FOXJ3: variants seen among roughly 807,000 people sequenced by gnomAD.
FOXJ3 encodes the protein forkhead box protein J3.
In FOXJ3, 22 loss-of-function variants were observed where a neutral mutation model predicts 76.1. The observed-to-expected ratio is 0.29, with a 90% CI of 0.21 to 0.41. The LOEUF is 0.41. Ranked by LOEUF, FOXJ3 falls within the 10% of genes least tolerant of loss-of-function variation. The pLI is 1.00. For missense variants in FOXJ3, 613 were observed against 762.1 expected (o/e 0.80, Z 2.30); for synonymous variants, 269 against 261.2 (o/e 1.03, Z -0.29).
In FOXJ3 at chr1:42,209,989, G is replaced by A. The variant is rs182310283; in HGVS notation, c.529-4126C>T. ...AAAACTGTGGTTTCTGTCTTGGCTGGGAAGGCTTATAGCCTGGGGCAGTTT... is the reference window on the plus strand; with the variant it reads ...AAAACTGTGGTTTCTGTCTTGGCTGAGAAGGCTTATAGCCTGGGGCAGTTT... On this transcript the variant is annotated intron_variant, in intron 5 of 12. Transcript: ENST00000361346. Among the ~76,000 whole-genome samples, 9 of 152,300 alleles carry A rather than the reference G, an allele frequency of 5.9e-5. No individual in the cohort carries two copies. In the East Asian group the frequency reaches 1.7e-3, roughly 29 times the overall value.
At chr1:42,265,548 CTTAT>C (rs1246605979) in intron 3 of FOXJ3, among the ~76,000 whole-genome samples, 1 of 152,064 alleles carries the variant, frequency 6.6e-6, no homozygotes, top group African/African-American at 2.4e-5. Context: ...AATTGTGGTA[CTTAT>C]TTTATTTATT....
chr1:42,302,231 G>A lies in FOXJ3; in HGVS notation c.44+8819C>T, dbSNP rs553580225. Among the ~76,000 whole-genome samples the A allele has an allele frequency of 9.8e-4, 150 of 152,334 alleles. 1 individual carries two copies. The highest frequency in any genetic ancestry group is 3.6e-3 in the African/African-American group (148 of 41,580). ...CTAGTGCTGCACACTTGTGTCAGCA[G>A]ATTTTCTACTGTGTCATGCAATTAA... On this transcript the variant is annotated intron_variant, in intron 2 of 12. Coordinates refer to ENST00000361346, the MANE Select transcript of FOXJ3 (RefSeq NM_014947.5).
At chr1:42,237,422 A>C (rs1648755310) in intron 4 of FOXJ3, among the ~76,000 whole-genome samples, 1 of 146,814 alleles carries the variant, frequency 6.8e-6, no homozygotes, top group Non-Finnish European at 1.5e-5. Context: ...ATATATATAT[A>C]TATATACATA....
intron 5 of FOXJ3, among the ~76,000 whole-genome samples, chr1:42,223,490 C>T (rs78360656): frequency 0.039 from 5,913 of 152,286 alleles, 145 homozygotes; most frequent in South Asian, 0.092. Context: ...CCCACCTGTA[C>T]TTCTTACCTA....
intron 1 of FOXJ3, among the ~76,000 whole-genome samples, chr1:42,319,161 T>C (rs556664683): frequency 6.6e-6 from 1 of 152,140 alleles, no homozygotes; most frequent in African/African-American, 2.4e-5. Context: ...GCCCAAGAGG[T>C]GGAGGCTGCA....
intron 11 of FOXJ3, among the ~76,000 whole-genome samples, chr1:42,187,183 T>A (rs1180804624): frequency 6.6e-6 from 1 of 152,222 alleles, no homozygotes; most frequent in African/African-American, 2.4e-5. Flanking sequence ...CCACATCATC[T>A]TCTACTTCTC....
chr1:42,267,340 G>A (rs892262918), intron 3 of FOXJ3, among the ~76,000 whole-genome samples: 6 of 151,974 alleles, frequency 3.9e-5, no homozygotes, highest in Non-Finnish European at 7.4e-5. Flanking sequence ...AAATCCTACC[G>A]CACCCTCTCC....
At position 42,191,643 on chromosome 1, in the gene FOXJ3, T is replaced by G. The variant is rs1307609949; in HGVS notation, c.1011A>C (p.Thr337=). ...GGTTGCTGTGTGGGTGAGTGCTCAC[T>G]GTACTGCTGGGAGAGTGCTGATAGG... ...SCTYQHSPSS[T]VSTHPHSNQS... is the part of the protein sequence containing the mutation. Residue 337 remains threonine, a synonymous_variant, in exon 9 of 13, where the codon ACA becomes ACC. Transcript: ENST00000361346. The G allele has an allele frequency of 4.3e-6, 7 of 1,614,154 alleles. No homozygotes were observed. Among genetic ancestry groups the G allele is most frequent in the East Asian group, 2.2e-5 (1 of 44,886 alleles).
chr1:42,297,253 C>T (rs1653847218), intron 2 of FOXJ3, among the ~76,000 whole-genome samples: 1 of 152,096 alleles, frequency 6.6e-6, no homozygotes, highest in Non-Finnish European at 1.5e-5. Flanking sequence ...AATTTGGATG[C>T]CTTTTATTTC....
At position 42,191,336 on chromosome 1, in the gene FOXJ3, G is replaced by C; in HGVS notation, c.1318C>G (p.Pro440Ala). 6.4e-7 allele frequency: 1 copy of C among 1,556,930 alleles called. No individual in the cohort carries two copies. Among genetic ancestry groups the C allele is most frequent in the Non-Finnish European group, 8.7e-7 (1 of 1,145,584 alleles). Residue 440 changes from proline to alanine, a missense_variant, in exon 9 of 13, where the codon CCC becomes GCC. By Grantham distance (27) the Pro-to-Ala change is conservative (BLOSUM62 -1). This residue lies in a region of FOXJ3 where 526 missense variants were observed against 601.4 expected (regional missense o/e 0.87). Coordinates refer to ENST00000361346, the MANE Select transcript of FOXJ3 (RefSeq NM_014947.5). ...HQHQTLTHQA[P>A]PPPQQVSCNS... ...CAGGATACCTGTTGTGGGGGTGGGGGTGCCTGATGTGTTAACGTCTGATGC... is the reference window on the plus strand; with the variant it reads ...CAGGATACCTGTTGTGGGGGTGGGGCTGCCTGATGTGTTAACGTCTGATGC...
rs1442961770 is a variant in FOXJ3 at position 42,188,795 on chromosome 1, T to G, written c.1587A>C (p.Gln529His). ...GCATGGCACCATGACAAACATTTTGTTGAACATTACTCTGTGAATGTATAA... is the reference window on the plus strand; with the variant it reads ...GCATGGCACCATGACAAACATTTTGGTGAACATTACTCTGTGAATGTATAA... ...TGLIHSQSNV[Q>H]QNVCHGAMHP... Residue 529 changes from glutamine to histidine, a missense_variant, in exon 11 of 13, where the codon CAA becomes CAC. By Grantham distance (24) the Gln-to-His change is conservative (BLOSUM62 0). Coordinates refer to ENST00000361346, the MANE Select transcript of FOXJ3 (RefSeq NM_014947.5). The G allele has an allele frequency of 6.2e-7, 1 of 1,612,016 alleles. No homozygotes were observed. Among genetic ancestry groups the G allele is most frequent in the Non-Finnish European group, 8.5e-7 (1 of 1,178,954 alleles).
At chr1:42,308,972 A>G (rs1331803792) in intron 2 of FOXJ3, among the ~76,000 whole-genome samples, 1 of 149,894 alleles carries the variant, frequency 6.7e-6, no homozygotes, top group Non-Finnish European at 1.5e-5. Flanking sequence ...TAGAAAGTGG[A>G]CACTAAAGAA....
intron 3 of FOXJ3, among the ~76,000 whole-genome samples, chr1:42,265,771 C>T (rs1235579701): frequency 2.0e-5 from 3 of 152,116 alleles, no homozygotes; most frequent in Admixed American, 6.6e-5. Flanking sequence ...CTATTAGGTT[C>T]TCACCACAAT....
chr1:42,263,002 C>T (rs188582725), intron 4 of FOXJ3, among the ~76,000 whole-genome samples: 11 of 150,966 alleles, frequency 7.3e-5, no homozygotes, highest in Non-Finnish European at 8.8e-5. Flanking sequence ...TTAATACATA[C>T]AAAACCTTAA....
At chr1:42,189,205 T>A in intron 10 of FOXJ3, 98 bp downstream of exon 10, 6 of 838,598 alleles carry the variant, frequency 7.2e-6, no homozygotes, top group Non-Finnish European at 1.1e-5. Context: ...AAATGCTATA[T>A]AAGATGATGT....
chr1:42,203,878 C>G (rs1646809970), intron 6 of FOXJ3, among the ~76,000 whole-genome samples: 1 of 151,980 alleles, frequency 6.6e-6, no homozygotes, highest in Non-Finnish European at 1.5e-5. Flanking sequence ...CACCTGTAAT[C>G]CCAGCTACTT....
At chr1:42,212,746 T>C (rs913365662) in intron 5 of FOXJ3, among the ~76,000 whole-genome samples, 1 of 151,922 alleles carries the variant, frequency 6.6e-6, no homozygotes, top group Non-Finnish European at 1.5e-5. Flanking sequence ...AAAAAGGACA[T>C]CACCAAAGGC....
intron 5 of FOXJ3, among the ~76,000 whole-genome samples, chr1:42,211,371 G>A (rs1206332160): frequency 6.6e-6 from 1 of 152,088 alleles, no homozygotes; most frequent in Admixed American, 6.5e-5. Context: ...TGTCTCATCT[G>A]AATAGCTGGA....
At chr1:42,193,708 TA>T (rs1557625562) in intron 8 of FOXJ3, among the ~76,000 whole-genome samples, 1 of 152,272 alleles carries the variant, frequency 6.6e-6, no homozygotes, top group Non-Finnish European at 1.5e-5. Context: ...GCAAACAGTA[TA>T]AAGACAAGGA....
Sources: gnomAD v4.1 joint callset for allele counts (sites outside exome capture counted in the v4.1 genomes callset) on GRCh38, gnomAD v4.1.1 for gene constraint, gnomAD v4.1.1 regional missense constraint, MANE v1.5 for transcripts, NCBI Gene and HGNC (gene_info 2026-07-23, HGNC 2026-07-21) for gene names.